ZNF804B: variants seen among roughly 807,000 people sequenced by gnomAD.
ZNF804B encodes the protein zinc finger 804B.
In ZNF804B, 80 loss-of-function variants were observed where a neutral mutation model predicts 101.4. The ratio of observed to expected loss-of-function variants is 0.79; its 90% CI spans 0.66 to 0.95. The LOEUF is 0.95. Among genes scored for constraint, ZNF804B ranks in the 40% least tolerant of loss-of-function variants. The pLI is 0.00. For synonymous variants in ZNF804B, 622 were observed against 558.8 expected (o/e 1.11, Z -1.59); for missense variants, 1,673 against 1,561.9 (o/e 1.07, Z -1.20).
chr7:89,116,007 T>C (rs1790306375), intron 1 of ZNF804B, among the ~76,000 whole-genome samples: 1 of 151,718 alleles, frequency 6.6e-6, no homozygotes. Context: ...CGGGCTCAGA[T>C]GATTCTCCCA....
chr7:89,016,968 G>A (rs1562861074), intron 1 of ZNF804B, among the ~76,000 whole-genome samples: 1 of 152,158 alleles, frequency 6.6e-6, no homozygotes, highest in Non-Finnish European at 1.5e-5. Context: ...CTACCCATGA[G>A]CATGGAATGT....
At chr7:88,945,896 T>G (rs568702018) in intron 1 of ZNF804B, among the ~76,000 whole-genome samples, 1 of 152,260 alleles carries the variant, frequency 6.6e-6, no homozygotes, top group East Asian at 1.9e-4. Context: ...CGTTTGTCTA[T>G]TATTGGTGTA....
At chr7:88,926,983 G>T (rs1337103701) in intron 1 of ZNF804B, among the ~76,000 whole-genome samples, 2 of 151,524 alleles carry the variant, frequency 1.3e-5, no homozygotes, top group African/African-American at 4.9e-5. Flanking sequence ...ACAAGTGCAG[G>T]GCTCCTCAAA....
intron 1 of ZNF804B, among the ~76,000 whole-genome samples, chr7:88,885,357 C>T (rs1233014601): frequency 6.6e-6 from 1 of 151,512 alleles, no homozygotes; most frequent in Non-Finnish European, 1.5e-5. Flanking sequence ...TATCTTTTCT[C>T]ATAGAACAAT....
At chr7:88,762,429 T>TTCC (rs1280187735) in intron 1 of ZNF804B, among the ~76,000 whole-genome samples, 5 of 152,198 alleles carry the variant, frequency 3.3e-5, no homozygotes, top group African/African-American at 1.2e-4. Flanking sequence ...TAAGGTGAAG[T>TTCC]GGATCACTAC....
chr7:89,013,905 AC>A (rs1788500619), intron 1 of ZNF804B, among the ~76,000 whole-genome samples: 1 of 152,186 alleles, frequency 6.6e-6, no homozygotes, highest in African/African-American at 2.4e-5. Flanking sequence ...TTATTTAACA[AC>A]CGCAGGGTCA....
At chr7:88,900,288 T>A (rs1209169657) in intron 1 of ZNF804B, among the ~76,000 whole-genome samples, 5 of 151,872 alleles carry the variant, frequency 3.3e-5, no homozygotes, top group African/African-American at 1.2e-4. Flanking sequence ...AAATTGGCAA[T>A]CGTTACACAT....
chr7:88,933,481 A>C (rs375696133), intron 1 of ZNF804B, among the ~76,000 whole-genome samples: 7 of 152,106 alleles, frequency 4.6e-5, no homozygotes, highest in African/African-American at 1.7e-4. Context: ...TCCAAATTTG[A>C]AAAGAGGAAA....
At chr7:89,154,713 G>A (rs1790930150) in intron 1 of ZNF804B, among the ~76,000 whole-genome samples, 1 of 152,054 alleles carries the variant, frequency 6.6e-6, no homozygotes, top group Non-Finnish European at 1.5e-5. Flanking sequence ...CCAGAGGCTA[G>A]GGAGAGTAAT....
At chr7:88,835,972 C>G (rs776011871) in intron 1 of ZNF804B, among the ~76,000 whole-genome samples, 1 of 151,884 alleles carries the variant, frequency 6.6e-6, no homozygotes. Flanking sequence ...CAAACATTCT[C>G]TGTAAAGGTA....
At chr7:89,241,855 A>G (rs1789377011) in intron 2 of ZNF804B, among the ~76,000 whole-genome samples, 1 of 150,602 alleles carries the variant, frequency 6.6e-6, no homozygotes, top group Non-Finnish European at 1.5e-5. Context: ...CTACAGGGTA[A>G]TGTTCAATGA....
intron 1 of ZNF804B, among the ~76,000 whole-genome samples, chr7:88,763,766 GA>G (rs1174051690): frequency 8.6e-5 from 13 of 151,948 alleles, no homozygotes; most frequent in African/African-American, 2.9e-4. Context: ...AAAATAGATA[GA>G]TAGATAGATA....
intron 1 of ZNF804B, among the ~76,000 whole-genome samples, chr7:88,873,538 C>A (rs1426667177): frequency 6.6e-6 from 1 of 152,116 alleles, no homozygotes; most frequent in Admixed American, 6.6e-5. Context: ...ACATGAAGTC[C>A]TTGCCCATGC....
rs573111790 is a variant in ZNF804B at position 88,976,475 on chromosome 7, A to C, written c.108+216391A>C. On this transcript the variant is annotated intron_variant, in intron 1 of 3. Coordinates refer to ENST00000333190, the MANE Select transcript of ZNF804B (RefSeq NM_181646.5). ...GTAGAGATTTTTTTGGTTAATTCCC[A>C]GATACTTGATTTTATTTGTACTTAT... 7.3e-5 allele frequency among the ~76,000 whole-genome samples: 11 copies of C among 151,528 alleles called. 1 individual carries two copies. Among genetic ancestry groups the C allele is most frequent in the Admixed American group, 7.3e-4 (11 of 15,154 alleles).
chr7:89,034,601 T>TA (rs776579332), intron 1 of ZNF804B, among the ~76,000 whole-genome samples: 1 of 152,226 alleles, frequency 6.6e-6, no homozygotes, highest in Admixed American at 6.5e-5. Context: ...TATGGTTGCA[T>TA]AGTATTTCAT....
intron 1 of ZNF804B, among the ~76,000 whole-genome samples, chr7:89,198,868 A>G (rs1306251414): frequency 6.6e-6 from 1 of 152,020 alleles, no homozygotes; most frequent in Non-Finnish European, 1.5e-5. Context: ...TGTAGCAGAA[A>G]GCAGAGCCTG....
chr7:89,230,776 T>C (rs949957882), intron 2 of ZNF804B, among the ~76,000 whole-genome samples: 18 of 152,098 alleles, frequency 1.2e-4, no homozygotes, highest in Admixed American at 7.8e-4. Flanking sequence ...CTGTACATTA[T>C]TCAATCATTA....
chr7:89,265,303 C>CACGT (rs1554386426), intron 2 of ZNF804B, among the ~76,000 whole-genome samples: 18 of 135,992 alleles, frequency 1.3e-4, no homozygotes, highest in African/African-American at 3.5e-4. Flanking sequence ...TGCGCGTGCG[C>CACGT]GCGCGCACAC....
intron 1 of ZNF804B, among the ~76,000 whole-genome samples, chr7:88,855,320 A>G (rs1371158281): frequency 6.6e-6 from 1 of 150,530 alleles, no homozygotes; most frequent in East Asian, 2.1e-4. Context: ...ATGGTATCTC[A>G]TTGTGGTTTT....
Sources: gnomAD v4.1 joint callset for allele counts (sites outside exome capture counted in the v4.1 genomes callset) on GRCh38, gnomAD v4.1.1 for gene constraint, MANE v1.5 for transcripts, NCBI Gene and HGNC (gene_info 2026-07-23, HGNC 2026-07-21) for gene names.